The following ABCB11 variants were observed in gnomAD, a reference collection of about 807,000 sequenced individuals.
ABCB11 encodes ATP binding cassette subfamily B member 11, also known as bile salt export pump.
Under a neutral mutation model 148.0 loss-of-function variants are expected in ABCB11, and 95 were observed. The ratio of observed to expected loss-of-function variants is 0.64; its 90% confidence interval spans 0.54 to 0.76. The LOEUF is 0.76. Among genes scored for constraint, ABCB11 ranks in the 30% least tolerant of loss-of-function variants. The pLI is 0.00. For synonymous variants in ABCB11, 591 were observed against 555.4 expected, an observed-to-expected ratio of 1.06 and a Z score of -0.90; for missense variants, 1,523 against 1,617.8, an observed-to-expected ratio of 0.94 and a Z score of 1.01.
At position 168,970,553 on chromosome 2, in the gene ABCB11, C is replaced by A. The variant is rs546345954; in HGVS notation, c.1639-338G>T. ...AGAGGATTAAAGCACAGAGCAAATCCGTGTCTCTTTGCTCCTGTTAGACAA... is the reference window on the plus strand; with the variant it reads ...AGAGGATTAAAGCACAGAGCAAATCAGTGTCTCTTTGCTCCTGTTAGACAA... On this transcript the variant is annotated intron_variant, in intron 14 of 27. Transcript: ENST00000650372. 146 of 395,116 alleles carry A rather than the reference C, an allele frequency of 3.7e-4. 3 individuals are homozygous for A. Among genetic ancestry groups the A allele is most frequent in the South Asian group, 3.1e-3 (142 of 45,718 alleles). The allele number at this position is 395,116 out of a possible 1,614,324, so 24.5% of individuals were successfully genotyped here. A position where few individuals can be genotyped will look rare whatever the true frequency, so the allele number is the denominator to read the frequency against.
chr2:168,989,633 A>G (rs904916407), intron 9 of ABCB11, among the ~76,000 whole-genome samples: 21 of 151,910 alleles, frequency 1.4e-4, no homozygotes, highest in Admixed American at 7.9e-4. Flanking sequence ...TTGCTATTCA[A>G]GGTCTTTTGT....
chr2:168,973,272 T>C (rs1558898451), intron 13 of ABCB11, among the ~76,000 whole-genome samples: 1 of 148,080 alleles, frequency 6.8e-6, no homozygotes, highest in Non-Finnish European at 1.5e-5. Context: ...CTGGCAAACA[T>C]CACAGTGTAG....
At chr2:168,961,655 A>C (rs1262703202) in intron 18 of ABCB11, among the ~76,000 whole-genome samples, 1 of 151,764 alleles carries the variant, frequency 6.6e-6, no homozygotes, top group African/African-American at 2.4e-5. Context: ...TCAACATTGT[A>C]ACTAACATCT....
chr2:168,923,750 T>C lies in ABCB11; in HGVS notation c.3838A>G (p.Ile1280Val). 6.2e-7 allele frequency: 1 copy of C among 1,613,842 alleles called. No individual in the cohort carries two copies. The highest frequency in any genetic ancestry group is 8.5e-7 in the Non-Finnish European group (1 of 1,179,866). ...ACAGCAATGATATCCGCGTTCTGGA[T>C]GGTGGACAAGCGATGGGCAATGACA... ...CIVIAHRLSTIQNADIIAVMA... is the reference protein window; with the variant it reads ...CIVIAHRLSTVQNADIIAVMA... Residue 1280 changes from isoleucine (I) to valine (V), a missense_variant, in exon 28 of 28, where the codon ATC becomes GTC. By Grantham distance (29) the Ile-to-Val change is conservative. Coordinates refer to ENST00000650372, the MANE Select transcript of ABCB11 (RefSeq NM_003742.4).
At chr2:168,988,528 T>C (rs1280226995) in intron 9 of ABCB11, among the ~76,000 whole-genome samples, 2 of 152,172 alleles carry the variant, frequency 1.3e-5, no homozygotes, top group Non-Finnish European at 2.9e-5. Flanking sequence ...AATGGGTGCT[T>C]AGGTTGATTC....
At chr2:169,011,258 G>A (rs116589462) in intron 5 of ABCB11, among the ~76,000 whole-genome samples, 2,176 of 152,170 alleles carry the variant, frequency 0.014, 49 homozygotes, top group African/African-American at 0.05. Context: ...AGTGTTATCC[G>A]TGGCTTGGGT....
chr2:169,001,846 C>A (rs1694883593), intron 5 of ABCB11, among the ~76,000 whole-genome samples: 1 of 152,122 alleles, frequency 6.6e-6, no homozygotes, highest in African/African-American at 2.4e-5. Flanking sequence ...ACCCAGGGAA[C>A]TTATCAACAT....
At chr2:169,024,416 T>C (rs1450663385) in intron 1 of ABCB11, among the ~76,000 whole-genome samples, 1 of 151,794 alleles carries the variant, frequency 6.6e-6, no homozygotes, top group African/African-American at 2.4e-5. Context: ...GGTGAATCTC[T>C]TTTAATTAAA....
chr2:168,960,148 G>A (rs1366723897), intron 18 of ABCB11, among the ~76,000 whole-genome samples: 1 of 151,526 alleles, frequency 6.6e-6, no homozygotes, highest in African/African-American at 2.4e-5. Context: ...CCAGATTCCT[G>A]TATCCTGTCA....
rs1695375183 is a variant in ABCB11, at chr2:169,016,907, A to C, written c.77-108T>G. The C allele has an allele frequency of 3.8e-6, 3 of 790,006 alleles. No individual in the cohort carries two copies. The East Asian group carries it at 8.2e-5, about 22-fold the overall frequency. The allele number at this position is 790,006 out of a possible 1,614,324, so 48.9% of individuals were successfully genotyped here. On this transcript the variant is annotated intron_variant, in intron 2 of 27. Coordinates refer to ENST00000650372, the MANE Select transcript of ABCB11 (RefSeq NM_003742.4). Reference sequence around the variant, plus strand: ...AAAAATATTCCTATAAATTACCTTTATTCATGGAATATTAGCAAATGACTA... The same window carrying C: ...AAAAATATTCCTATAAATTACCTTTCTTCATGGAATATTAGCAAATGACTA...
chr2:168,976,697 A>C lies in ABCB11; in HGVS notation c.1198-10T>G, dbSNP rs1310461435. 6.4e-7 allele frequency: 1 copy of C among 1,552,786 alleles called. No individual in the cohort carries two copies. Among genetic ancestry groups the C allele is most frequent in the Admixed American group, 1.7e-5 (1 of 59,714 alleles). ...AGTCAATGATGGGTTTCTGGAGTGA[A>C]ATACAAAAGGGACACAGTGTAAACT... On this transcript the variant is annotated splice_polypyrimidine_tract_variant and intron_variant, in intron 11 of 27. Transcript: ENST00000650372.
chr2:168,919,691 CT>C (rs771050631), downstream of ABCB11, among the ~76,000 whole-genome samples: 61 of 151,934 alleles, frequency 4.0e-4, no homozygotes, highest in South Asian at 1.7e-3. Flanking sequence ...GTGTTGAGAC[CT>C]GCATGACTGA....
At chr2:168,961,604 C>T (rs1340356960) in intron 18 of ABCB11, among the ~76,000 whole-genome samples, 2 of 151,678 alleles carry the variant, frequency 1.3e-5, no homozygotes, top group Admixed American at 6.6e-5. Flanking sequence ...GAGACTAAAA[C>T]CTTTAGCCTG....
In ABCB11 at chr2:168,990,924, C is replaced by T. The variant is rs897172862; in HGVS notation, c.785G>A (p.Ser262Asn). The T allele has an allele frequency of 1.2e-6, 2 of 1,609,006 alleles. No homozygotes were observed. Among genetic ancestry groups the T allele is most frequent in the Non-Finnish European group, 1.7e-6 (2 of 1,178,300 alleles). ...IGIGAATIGL[S>N]VSKFTDYELK... is the part of the protein sequence containing the mutation. Reference sequence around the variant, plus strand: ...CTCATAGTCCGTAAACTTGGACACACTCTAAAAATCAAAAAGAAGAAAAGA... The same window carrying T: ...CTCATAGTCCGTAAACTTGGACACATTCTAAAAATCAAAAAGAAGAAAAGA... The change falls in exon 9 of 28, where the codon AGT becomes AAT. Residue 262 changes from serine (S) to asparagine (N), a missense_variant and splice_region_variant. Coordinates refer to ENST00000650372, the MANE Select transcript of ABCB11 (RefSeq NM_003742.4).
intron 26 of ABCB11, 147 bp downstream of exon 26, chr2:168,927,009 A>G (rs1691342436): frequency 2.9e-6 from 2 of 699,150 alleles, no homozygotes; most frequent in East Asian, 2.6e-5. Context: ...CACCTGTGGA[A>G]TCATGTTGGC....
At chr2:168,983,400 T>G (rs1694200349) in intron 10 of ABCB11, among the ~76,000 whole-genome samples, 1 of 152,172 alleles carries the variant, frequency 6.6e-6, no homozygotes, top group African/African-American at 2.4e-5. Flanking sequence ...AATACTTCAG[T>G]GGCTTTTCCA....
At chr2:168,985,583 C>CAT (rs923270176) in intron 10 of ABCB11, among the ~76,000 whole-genome samples, 3 of 151,742 alleles carry the variant, frequency 2.0e-5, no homozygotes, top group Admixed American at 6.6e-5. Flanking sequence ...CATATAATTA[C>CAT]ATATATATAT....
chr2:168,918,150 G>A (rs79656238), downstream of ABCB11, among the ~76,000 whole-genome samples: 2,612 of 152,202 alleles, frequency 0.017, 76 homozygotes, highest in African/African-American at 0.058. Flanking sequence ...AAGAATGGGC[G>A]TTTTCCACTT....
intron 9 of ABCB11, among the ~76,000 whole-genome samples, chr2:168,987,858 ATTTC>A (rs1455954242): frequency 5.3e-5 from 8 of 152,178 alleles, no homozygotes; most frequent in African/African-American, 1.9e-4. Context: ...TCATGCTGGC[ATTTC>A]TTTATTATTT....
Sources: gnomAD v4.1 joint callset for allele counts (sites outside exome capture counted in the v4.1 genomes callset) on GRCh38, gnomAD v4.1.1 for gene constraint, MANE v1.5 for transcripts, NCBI Gene and HGNC (gene_info 2026-07-23, HGNC 2026-07-21) for gene names.